The following CTBP2 variants were observed in gnomAD, a reference collection of about 807,000 sequenced individuals.
CTBP2 encodes the protein C-terminal binding protein 2, also known as C-terminal-binding protein 2.
In CTBP2, 30 loss-of-function variants were observed where a neutral mutation model predicts 80.3. The ratio of observed to expected loss-of-function variants is 0.37; its 90% CI spans 0.28 to 0.51. The LOEUF (loss-of-function observed/expected upper bound fraction) is 0.51. Ranked by LOEUF, CTBP2 falls within the 20% of genes least tolerant of loss-of-function variation. The probability of loss-of-function intolerance (pLI) is 0.93; values close to 1 mark genes in which losing one functional copy is unlikely to be tolerated. For missense variants in CTBP2, 1,212 were observed against 1,375.3 expected (o/e 0.88, Z 1.88); for synonymous variants, 594 against 587.4 (o/e 1.01, Z -0.16).
At chr10:125,073,460 T>C (rs1351574828) in intron 2 of CTBP2, among the ~76,000 whole-genome samples, 1 of 152,226 alleles carries the variant, frequency 6.6e-6, no homozygotes, top group Non-Finnish European at 1.5e-5. Flanking sequence ...GCCAGGCTGG[T>C]CAACTCTTGA....
intron 2 of CTBP2, among the ~76,000 whole-genome samples, chr10:125,078,279 CAAAAAAA>C (rs1214515506): frequency 2.5e-5 from 2 of 80,160 alleles, no homozygotes; most frequent in Non-Finnish European, 5.3e-5. Flanking sequence ...GACTCCGTCT[CAAAAAAA>C]AAAAAAAAAA....
chr10:125,093,674 C>G (rs1356452719), intron 2 of CTBP2, among the ~76,000 whole-genome samples: 1 of 152,194 alleles, frequency 6.6e-6, no homozygotes, highest in Non-Finnish European at 1.5e-5. Flanking sequence ...AATTCCTTGC[C>G]TTGGGGAAAG....
Position 124,985,992 on chromosome 10 carries a change from T to A in CTBP2, c.*3526A>T, listed in dbSNP as rs555600565. On this transcript the variant is annotated 3_prime_UTR_variant, in exon 9 of 9. Coordinates refer to ENST00000309035, the MANE Select transcript of CTBP2 (RefSeq NM_022802.3). Reference sequence around the variant, plus strand: ...CCAATTCACTACAGAATAAAGATTTTAAAAATGCAATAAGGTGGCAAATGC... The same window carrying A: ...CCAATTCACTACAGAATAAAGATTTAAAAAATGCAATAAGGTGGCAAATGC... The A allele has an allele frequency of 7.9e-5, 12 of 152,464 alleles. No homozygotes were observed. The highest frequency in any genetic ancestry group is 2.9e-4 in the African/African-American group (12 of 41,572). The allele number at this position is 152,464 out of a possible 1,614,324, so 9.4% of individuals were successfully genotyped here.
intron 1 of CTBP2, among the ~76,000 whole-genome samples, chr10:125,019,647 A>G (rs1224912216): frequency 1.3e-5 from 2 of 152,198 alleles, no homozygotes; most frequent in African/African-American, 4.8e-5. Flanking sequence ...CTCACACCAT[A>G]TGCAGAACTT....
At position 124,987,761 on chromosome 10, in the gene CTBP2, T is replaced by TTTTG. The variant is rs1381558302; in HGVS notation, c.*1753_*1756dup. On this transcript the variant is annotated 3_prime_UTR_variant, in exon 9 of 9. Transcript: ENST00000309035. ...GCTTTAAGACACCATGATTTTCTTG[T>TTTTG]TTTGTTTTAATTGGGAAGGGAAGTA... The TTTTG allele has an allele frequency of 6.6e-6, 1 of 152,148 alleles. No individual in the cohort carries two copies. The highest frequency in any genetic ancestry group is 2.4e-5 in the African/African-American group (1 of 41,416). The allele number at this position is 152,148 out of a possible 1,614,324, so 9.4% of individuals were successfully genotyped here. A position where few individuals can be genotyped will look rare whatever the true frequency, so the allele number is the denominator to read the frequency against.
At chr10:125,080,600 G>C (rs745514873) in intron 2 of CTBP2, among the ~76,000 whole-genome samples, 5 of 152,214 alleles carry the variant, frequency 3.3e-5, no homozygotes, top group Admixed American at 6.5e-5. Flanking sequence ...CACTGCCAAA[G>C]GGTCTCCAGA....
intron 2 of CTBP2, among the ~76,000 whole-genome samples, chr10:125,110,512 G>C (rs962151389): frequency 6.6e-6 from 1 of 152,138 alleles, no homozygotes; most frequent in African/African-American, 2.4e-5. Flanking sequence ...CCTAGAGGCT[G>C]GTAACACTAA....
At chr10:125,160,242 C>G (rs1861717421) in intron 1 of CTBP2, 77 bp downstream of exon 1, 1 of 152,156 alleles carries the variant, frequency 6.6e-6, no homozygotes, top group Admixed American at 6.6e-5. Context: ...GAGGCGCGGG[C>G]GCGGCGCCCC....
At chr10:125,028,756 G>T (rs1957903396), upstream of CTBP2, among the ~76,000 whole-genome samples, 1 of 152,208 alleles carries the variant, frequency 6.6e-6, no homozygotes, top group Admixed American at 6.5e-5. Flanking sequence ...CTGGGAAGCG[G>T]CTGCATCTGA....
chr10:125,005,984 C>A, intron 1 of CTBP2: 1 of 1,452,372 alleles, frequency 6.9e-7, no homozygotes, highest in Non-Finnish European at 9.0e-7. Context: ...GCCGCTGATG[C>A]GTCTGGGGAG....
intron 2 of CTBP2, among the ~76,000 whole-genome samples, chr10:125,079,114 T>G (rs1590613278): frequency 7.6e-6 from 1 of 131,376 alleles, no homozygotes; most frequent in African/African-American, 3.0e-5. Context: ...GCCACTGCAC[T>G]CCTGCCTGGG....
chr10:125,033,374 C>G (rs74618595), intron 3 of CTBP2, among the ~76,000 whole-genome samples: 2 of 152,180 alleles, frequency 1.3e-5, no homozygotes, highest in African/African-American at 4.8e-5. Flanking sequence ...GGAACGCCCT[C>G]GAGCGCGCAC....
At chr10:125,047,068 G>C (rs1477949782) in intron 2 of CTBP2, among the ~76,000 whole-genome samples, 1 of 152,054 alleles carries the variant, frequency 6.6e-6, no homozygotes, top group African/African-American at 2.4e-5. Flanking sequence ...TTGTGTTTAG[G>C]ATTTTCACAC....
At chr10:125,144,905 C>T (rs1858473996) in intron 1 of CTBP2, among the ~76,000 whole-genome samples, 1 of 152,168 alleles carries the variant, frequency 6.6e-6, no homozygotes, top group African/African-American at 2.4e-5. Context: ...CACACTGCTG[C>T]CCGGTCAAGA....
intron 2 of CTBP2, among the ~76,000 whole-genome samples, chr10:125,060,463 C>CGTGT (rs56032803): frequency 0.027 from 4,060 of 147,922 alleles, 63 homozygotes; most frequent in South Asian, 0.084. Flanking sequence ...ATTCCCCCCA[C>CGTGT]GTGTGTGTGT....
chr10:125,005,115 C>T (rs1955062935), intron 1 of CTBP2, among the ~76,000 whole-genome samples: 1 of 152,224 alleles, frequency 6.6e-6, no homozygotes, highest in Admixed American at 6.5e-5. Flanking sequence ...ATACACGGTG[C>T]TGGGGAGGGA....
At chr10:125,151,327 G>A (rs2133405174) in intron 1 of CTBP2, among the ~76,000 whole-genome samples, 1 of 152,202 alleles carries the variant, frequency 6.6e-6, no homozygotes, top group South Asian at 2.1e-4. Flanking sequence ...GAGCCGCCGG[G>A]GTGAACAGCA....
At chr10:125,135,609 C>T (rs901707464) in intron 1 of CTBP2, among the ~76,000 whole-genome samples, 15 of 152,238 alleles carry the variant, frequency 9.9e-5, no homozygotes, top group Non-Finnish European at 1.8e-4. Flanking sequence ...TTTCTGGCAT[C>T]CCAGCAGCTA....
chr10:125,056,835 C>A (rs753076254), intron 2 of CTBP2, among the ~76,000 whole-genome samples: 11 of 152,260 alleles, frequency 7.2e-5, no homozygotes, highest in Non-Finnish European at 1.0e-4. Flanking sequence ...TGGGGACCCA[C>A]CTCCCAGTCC....
Sources: gnomAD v4.1 joint callset for allele counts (sites outside exome capture counted in the v4.1 genomes callset) on GRCh38, gnomAD v4.1.1 for gene constraint, MANE v1.5 for transcripts, NCBI Gene and HGNC (gene_info 2026-07-23, HGNC 2026-07-21) for gene names.